The following DLG2 variants were observed in gnomAD, a reference collection of about 807,000 sequenced individuals.
DLG2 encodes disks large homolog 2.
In DLG2, 45 loss-of-function variants were observed where a neutral mutation model predicts 132.5. The observed-to-expected ratio is 0.34, with a 90% confidence interval of 0.27 to 0.44. DLG2 has a LOEUF of 0.44. DLG2 is among the 20% of genes least tolerant of loss of function. DLG2 has a pLI of 1.00. For synonymous variants in DLG2, 424 were observed against 419.6 expected (o/e 1.01, Z -0.13); for missense variants, 1,045 against 1,196.9 (o/e 0.87, Z 1.87).
At chr11:84,619,668 A>G (rs912853772) in intron 6 of DLG2, among the ~76,000 whole-genome samples, 1 of 151,760 alleles carries the variant, frequency 6.6e-6, no homozygotes, top group Non-Finnish European at 1.5e-5. Flanking sequence ...GAAAAAAGAT[A>G]CTATTCATTA....
intron 10 of DLG2, among the ~76,000 whole-genome samples, chr11:84,063,534 T>TA (rs11378507): frequency 0.79 from 120,679 of 151,906 alleles, 49,174 homozygotes; most frequent in Middle Eastern, 0.92. Flanking sequence ...CTCAAGGTAC[T>TA]AAATATTTTC....
rs2096913251 is a variant in DLG2, at chr11:84,082,117, T to C, written c.749+16806A>G. Among the ~76,000 whole-genome samples the C allele has an allele frequency of 3.3e-5, 5 of 152,316 alleles. No individual in the cohort carries two copies. In the South Asian group the frequency reaches 1.0e-3, roughly 32 times the overall value. On this transcript the variant is annotated intron_variant, in intron 10 of 27. Transcript: ENST00000376104. ...CATGTGTCTGTTGGCTGCATAAATG[T>C]CTTGAACTTTCATCCTGCCTTTTTC...
chr11:83,849,585 A>T (rs1304596796), intron 16 of DLG2, among the ~76,000 whole-genome samples: 2 of 151,932 alleles, frequency 1.3e-5, no homozygotes, highest in African/African-American at 4.8e-5. Flanking sequence ...TAATTTCTAG[A>T]TGGGGGTCTA....
intron 14 of DLG2, among the ~76,000 whole-genome samples, chr11:83,945,553 T>C (rs1429730573): frequency 6.6e-6 from 1 of 152,234 alleles, no homozygotes; most frequent in Non-Finnish European, 1.5e-5. Flanking sequence ...CCTATTATTA[T>C]ATATTTGGAT....
At chr11:84,710,745 A>G (rs2060287304) in intron 6 of DLG2, among the ~76,000 whole-genome samples, 1 of 151,574 alleles carries the variant, frequency 6.6e-6, no homozygotes, top group Admixed American at 6.6e-5. Context: ...AAAAACTTCA[A>G]TAAAGATAAT....
At chr11:83,642,757 T>A (rs2066948297) in intron 18 of DLG2, among the ~76,000 whole-genome samples, 1 of 152,170 alleles carries the variant, frequency 6.6e-6, no homozygotes, top group Non-Finnish European at 1.5e-5. Context: ...TTTTTAAGGC[T>A]CTGAGATAAA....
At chr11:83,791,761 C>A (rs1202891548) in intron 17 of DLG2, among the ~76,000 whole-genome samples, 1 of 152,154 alleles carries the variant, frequency 6.6e-6, no homozygotes, top group East Asian at 1.9e-4. Flanking sequence ...TAGGGAAGAG[C>A]CCGTCTCCGA....
intron 5 of DLG2, among the ~76,000 whole-genome samples, chr11:85,143,003 C>T (rs572444874): frequency 5.9e-5 from 9 of 151,592 alleles, no homozygotes; most frequent in Non-Finnish European, 1.2e-4. Context: ...GAGATATTTG[C>T]CTATAGTTTT....
chr11:83,744,494 T>C (rs1464061490), intron 18 of DLG2, among the ~76,000 whole-genome samples: 1 of 152,198 alleles, frequency 6.6e-6, no homozygotes, highest in East Asian at 1.9e-4. Flanking sequence ...ATATTAAATA[T>C]GAAAGTCAAC....
intron 7 of DLG2, among the ~76,000 whole-genome samples, chr11:84,433,982 T>G (rs1242763554): frequency 6.6e-6 from 1 of 151,750 alleles, no homozygotes; most frequent in Non-Finnish European, 1.5e-5. Flanking sequence ...GCCGGGCATA[T>G]TGACACACAC....
intron 19 of DLG2, among the ~76,000 whole-genome samples, chr11:83,621,297 A>AG (rs2061604859): frequency 6.6e-6 from 1 of 152,014 alleles, no homozygotes; most frequent in Non-Finnish European, 1.5e-5. Context: ...GTTGCCAGTC[A>AG]GGGGAATTTA....
intron 6 of DLG2, among the ~76,000 whole-genome samples, chr11:84,790,947 A>G (rs545570936): frequency 1.3e-5 from 2 of 152,226 alleles, no homozygotes; most frequent in South Asian, 4.1e-4. Context: ...TGGTCTATGT[A>G]TTAGTCTGTT....
intron 7 of DLG2, among the ~76,000 whole-genome samples, chr11:84,496,756 T>C (rs997031220): frequency 6.6e-6 from 1 of 152,162 alleles, no homozygotes; most frequent in African/African-American, 2.4e-5. Flanking sequence ...TCTTATTTTG[T>C]TTCCTCACGG....
chr11:83,638,063 C>T lies in DLG2; in HGVS notation c.1826-4738G>A, dbSNP rs1402776178. ...TTGTTTTATGTTTTGGGGGGATTTTCTTCTGTAACAAGAAGCAAACCACTG... is the reference window on the plus strand; with the variant it reads ...TTGTTTTATGTTTTGGGGGGATTTTTTTCTGTAACAAGAAGCAAACCACTG... On this transcript the variant is annotated intron_variant, in intron 18 of 27. Coordinates refer to ENST00000376104, the MANE Select transcript of DLG2 (RefSeq NM_001142699.3). 5.9e-5 allele frequency among the ~76,000 whole-genome samples: 9 copies of T among 152,196 alleles called. No individual in the cohort carries two copies. In the East Asian group the frequency reaches 1.5e-3, roughly 26 times the overall value.
chr11:84,758,132 T>C (rs996621549), intron 6 of DLG2, among the ~76,000 whole-genome samples: 2 of 152,250 alleles, frequency 1.3e-5, no homozygotes, highest in African/African-American at 4.8e-5. Flanking sequence ...TCATTGTCAG[T>C]ATATTCTTAT....
intron 6 of DLG2, among the ~76,000 whole-genome samples, chr11:84,743,891 A>T (rs1015567332): frequency 1.1e-4 from 16 of 151,954 alleles, no homozygotes; most frequent in African/African-American, 2.7e-4. Flanking sequence ...CGCCTGGCTA[A>T]TTTTTTGTAT....
chr11:84,555,448 C>T lies in DLG2; in HGVS notation c.358-20717G>A, dbSNP rs368168915. Reference sequence around the variant, plus strand: ...ATGTGGTTAGAAATATCCATATATACACACACACACACAATAAAATGTTAT... The same window carrying T: ...ATGTGGTTAGAAATATCCATATATATACACACACACACAATAAAATGTTAT... On this transcript the variant is annotated intron_variant, in intron 6 of 27. Transcript: ENST00000376104. Among the ~76,000 whole-genome samples the T allele has an allele frequency of 1.3e-3, 114 of 88,048 alleles. 1 individual carries two copies. The East Asian group carries it at 0.013, about 10-fold the overall frequency. The allele number at this position is 88,048 out of a possible 152,430, so 57.8% of individuals were successfully genotyped here.
chr11:84,675,356 T>C (rs974309534), intron 6 of DLG2, among the ~76,000 whole-genome samples: 1 of 152,128 alleles, frequency 6.6e-6, no homozygotes, highest in Admixed American at 6.5e-5. Flanking sequence ...TCCTGGGAAG[T>C]TGCCATTACT....
intron 5 of DLG2, among the ~76,000 whole-genome samples, chr11:85,119,238 C>A (rs1402161743): frequency 6.6e-6 from 1 of 151,810 alleles, no homozygotes; most frequent in Non-Finnish European, 1.5e-5. Flanking sequence ...AATTTGGGAG[C>A]CAAAACCGAT....
Sources: allele counts gnomAD v4.1 joint callset (sites outside exome capture counted in the v4.1 genomes callset), GRCh38; gene constraint gnomAD v4.1.1; transcripts MANE v1.5; gene names NCBI Gene and HGNC (gene_info 2026-07-23, HGNC 2026-07-21).